The following CMTM8 variants were observed in gnomAD, a reference collection of about 807,000 sequenced individuals.
CMTM8 encodes CKLF like MARVEL transmembrane domain containing 8, also known as CKLF-like MARVEL transmembrane domain-containing protein 8.
In CMTM8, 12 loss-of-function variants were observed where a neutral mutation model predicts 18.6. The observed-to-expected ratio is 0.65, with a 90% CI of 0.41 to 1.05. The LOEUF (loss-of-function observed/expected upper bound fraction) is 1.05. Ranked by LOEUF, CMTM8 falls within the 50% of genes least tolerant of loss-of-function variation. The probability of loss-of-function intolerance (pLI) is 0.00; values close to 1 mark genes in which losing one functional copy is unlikely to be tolerated. For missense variants in CMTM8, 217 were observed against 227.2 expected (o/e 0.95, Z 0.29); for synonymous variants, 87 against 90.6 (o/e 0.96, Z 0.23).
chr3:32,241,867 C>G (rs1701948937), intron 1 of CMTM8, among the ~76,000 whole-genome samples: 1 of 152,214 alleles, frequency 6.6e-6, no homozygotes, highest in Middle Eastern at 3.2e-3. Context: ...TAGTAATTCT[C>G]TTTTCTCATT....
At chr3:32,361,287 T>TTTGTTTTTTTTTTTTTTG (rs1553608173) in intron 2 of CMTM8, among the ~76,000 whole-genome samples, 3 of 33,548 alleles carry the variant, frequency 8.9e-5, no homozygotes, top group Non-Finnish European at 3.0e-4. Context: ...AGCCTAAGAG[T>TTTGTTTTTTTTTTTTTTG]TTTTTTTTCT....
At chr3:32,258,437 T>C (rs957788875) in intron 1 of CMTM8, among the ~76,000 whole-genome samples, 1 of 152,230 alleles carries the variant, frequency 6.6e-6, no homozygotes, top group African/African-American at 2.4e-5. Context: ...TAAGGAATAA[T>C]GACCCTCTTT....
At chr3:32,304,262 G>A (rs1468546308) in intron 1 of CMTM8, among the ~76,000 whole-genome samples, 1 of 152,170 alleles carries the variant, frequency 6.6e-6, no homozygotes, top group African/African-American at 2.4e-5. Context: ...TCATGTAAAA[G>A]TTTGGGTGTT....
At chr3:32,323,991 A>G (rs1360067523) in intron 1 of CMTM8, among the ~76,000 whole-genome samples, 1 of 152,244 alleles carries the variant, frequency 6.6e-6, no homozygotes, top group Non-Finnish European at 1.5e-5. Flanking sequence ...ACAACTCTGT[A>G]AAAAATTGGG....
At chr3:32,335,547 A>G (rs1696369885) in intron 1 of CMTM8, among the ~76,000 whole-genome samples, 1 of 152,166 alleles carries the variant, frequency 6.6e-6, no homozygotes, top group Non-Finnish European at 1.5e-5. Flanking sequence ...AACTCTCTCC[A>G]TCTCTGCAGC....
At chr3:32,298,365 T>C (rs1695525121) in intron 1 of CMTM8, among the ~76,000 whole-genome samples, 1 of 151,634 alleles carries the variant, frequency 6.6e-6, no homozygotes, top group Admixed American at 6.6e-5. Flanking sequence ...AGCCATCACG[T>C]CCAGCCCCTA....
At chr3:32,361,739 A>G (rs1696936285) in intron 2 of CMTM8, among the ~76,000 whole-genome samples, 1 of 152,182 alleles carries the variant, frequency 6.6e-6, no homozygotes, top group Non-Finnish European at 1.5e-5. Flanking sequence ...ATCCATTTTT[A>G]ATATGCAGCA....
chr3:32,251,113 C>G (rs1702105309), intron 1 of CMTM8, among the ~76,000 whole-genome samples: 1 of 151,946 alleles, frequency 6.6e-6, no homozygotes, highest in Admixed American at 6.5e-5. Context: ...TGATATTTGC[C>G]AACTTGTTTG....
intron 1 of CMTM8, among the ~76,000 whole-genome samples, chr3:32,298,525 G>A (rs185388515): frequency 3.6e-4 from 54 of 148,618 alleles, no homozygotes; most frequent in African/African-American, 1.1e-3. Flanking sequence ...TTTCCAGGGC[G>A]ATCCTTGCTA....
intron 1 of CMTM8, among the ~76,000 whole-genome samples, chr3:32,347,907 G>T (rs1318523004): frequency 1.3e-5 from 2 of 152,134 alleles, no homozygotes; most frequent in East Asian, 1.9e-4. Context: ...GAGTCACTCT[G>T]TTCCAGTCTG....
At chr3:32,367,773 C>T in intron 2 of CMTM8, 99 bp from the exon 3 acceptor site, 3 of 750,360 alleles carry the variant, frequency 4.0e-6, no homozygotes, top group Middle Eastern at 4.0e-4. Flanking sequence ...CCACTTGGGC[C>T]CCTCCCCACA....
chr3:32,272,794 G>A (rs550509956), intron 1 of CMTM8, among the ~76,000 whole-genome samples: 92 of 152,278 alleles, frequency 6.0e-4, no homozygotes, highest in African/African-American at 2.1e-3. Context: ...TGGACACTGA[G>A]TTAATTTCTT....
chr3:32,321,486 C>T (rs1281735503), intron 1 of CMTM8, among the ~76,000 whole-genome samples: 1 of 152,256 alleles, frequency 6.6e-6, no homozygotes, highest in East Asian at 1.9e-4. Context: ...AGCCCCCACC[C>T]TAGGACCCCC....
intron 1 of CMTM8, among the ~76,000 whole-genome samples, chr3:32,294,218 C>T (rs988416242): frequency 2.0e-5 from 3 of 152,204 alleles, no homozygotes; most frequent in African/African-American, 4.8e-5. Flanking sequence ...GCTAAGTGAA[C>T]TCAGCCTAGT....
At chr3:32,260,732 T>A (rs1254563565) in intron 1 of CMTM8, among the ~76,000 whole-genome samples, 2 of 152,034 alleles carry the variant, frequency 1.3e-5, no homozygotes, top group Non-Finnish European at 2.9e-5. Flanking sequence ...AGCTTTATAA[T>A]TTTTTTCACA....
At chr3:32,340,246 G>T (rs1399502130) in intron 1 of CMTM8, among the ~76,000 whole-genome samples, 3 of 152,180 alleles carry the variant, frequency 2.0e-5, no homozygotes, top group Non-Finnish European at 4.4e-5. Context: ...GGGTCCGGTT[G>T]TATCACCTTA....
At chr3:32,293,067 ATATGTGTGTG>A (rs1702808051) in intron 1 of CMTM8, among the ~76,000 whole-genome samples, 1 of 127,940 alleles carries the variant, frequency 7.8e-6, no homozygotes, top group African/African-American at 2.9e-5. Flanking sequence ...ATGTGTGTAT[ATATGTGTGTG>A]TATATATATA....
intron 1 of CMTM8, among the ~76,000 whole-genome samples, chr3:32,354,512 C>G (rs939735609): frequency 7.2e-5 from 11 of 152,190 alleles, no homozygotes; most frequent in African/African-American, 2.7e-4. Context: ...CTAGACAATG[C>G]AGACCTGGAC....
intron 1 of CMTM8, among the ~76,000 whole-genome samples, chr3:32,253,315 A>G (rs144350387): frequency 3.8e-4 from 56 of 147,422 alleles, no homozygotes; most frequent in African/African-American, 1.0e-3. Flanking sequence ...CTTTTTTTGT[A>G]GCATTTATTT....
Sources: allele counts gnomAD v4.1 joint callset (sites outside exome capture counted in the v4.1 genomes callset), GRCh38; gene constraint gnomAD v4.1.1; transcripts MANE v1.5; gene names NCBI Gene and HGNC (gene_info 2026-07-23, HGNC 2026-07-21).